The following IMPG2 variants were observed in gnomAD, a reference collection of about 807,000 sequenced individuals.
The protein encoded by IMPG2 is interphotoreceptor matrix proteoglycan 2, also known as IPM 200.
Under a neutral mutation model 129.2 loss-of-function variants are expected in IMPG2, and 91 were observed. The ratio of observed to expected loss-of-function variants is 0.70; its 90% confidence interval spans 0.59 to 0.84. The LOEUF (loss-of-function observed/expected upper bound fraction) is 0.84, where lower values mean the gene tolerates loss of function less well. IMPG2 is among the 40% of genes least tolerant of loss of function. The pLI is 0.00. For synonymous variants in IMPG2, 510 were observed against 517.7 expected (o/e 0.99, Z 0.20); for missense variants, 1,430 against 1,461.7 (o/e 0.98, Z 0.35).
chr3:101,256,163 A>AAGAAAGAAAG (rs1289733333), intron 10 of IMPG2, among the ~76,000 whole-genome samples: 4 of 144,578 alleles, frequency 2.8e-5, no homozygotes, highest in African/African-American at 1.0e-4. Context: ...GAAAGAAAGA[A>AAGAAAGAAAG]AGAAAGAAAG....
At chr3:101,263,903 A>G (rs1302982746) in intron 9 of IMPG2, among the ~76,000 whole-genome samples, 1 of 151,806 alleles carries the variant, frequency 6.6e-6, no homozygotes, top group Non-Finnish European at 1.5e-5. Context: ...CAGAAATGAA[A>G]AAGGAGACAT....
At chr3:101,233,103 G>T in intron 14 of IMPG2, 112 bp from the exon 15 acceptor site, 2 of 924,352 alleles carry the variant, frequency 2.2e-6, no homozygotes, top group Non-Finnish European at 3.5e-6. Flanking sequence ...CTCCTTTCCA[G>T]AACCATTAAA....
Position 101,320,353 on chromosome 3 carries a change from A to C in IMPG2, c.20T>G (p.Phe7Cys). 1 of 1,607,716 alleles carries C rather than the reference A, an allele frequency of 6.2e-7. No homozygotes were observed. Among genetic ancestry groups the C allele is most frequent in the East Asian group, 2.2e-5 (1 of 44,642 alleles). Residue 7 changes from phenylalanine (F) to cysteine (C), a missense_variant, in exon 1 of 19, where the codon TTT becomes TGT. By Grantham distance (205) the Phe-to-Cys change is radical. Coordinates refer to ENST00000193391, the MANE Select transcript of IMPG2 (RefSeq NM_016247.4). MIMFPLFGKISLGILIF... is the reference protein window; with the variant it reads MIMFPLCGKISLGILIF... ...CAAAATACCCAGAGAAATCTTCCCA[A>C]AAAGAGGAAACATAATCATTTGGGC...
rs1258654865 is a variant in IMPG2 at position 101,223,482 on chromosome 3, A to T, written c.*3487T>A. 2 of 152,236 alleles carry T rather than the reference A, an allele frequency of 1.3e-5. No individual in the cohort carries two copies. The highest frequency in any genetic ancestry group is 2.4e-5 in the African/African-American group (1 of 41,460). The allele number at this position is 152,236 out of a possible 1,614,324, so 9.4% of individuals were successfully genotyped here. A position where few individuals can be genotyped will look rare whatever the true frequency, so the allele number is the denominator to read the frequency against. On this transcript the variant is annotated 3_prime_UTR_variant, in exon 19 of 19. Coordinates refer to ENST00000193391, the MANE Select transcript of IMPG2 (RefSeq NM_016247.4). The stretch of plus-strand genomic sequence containing the variant: ...TGCAAAATGAAAATTCAATTCAGAG[A>T]CAGAAAGATGTCAAAGTACCCATTG...
chr3:101,280,201 T>C (rs1189823212), intron 4 of IMPG2, among the ~76,000 whole-genome samples: 1 of 152,216 alleles, frequency 6.6e-6, no homozygotes, highest in African/African-American at 2.4e-5. Context: ...GGAATTCAGG[T>C]GGGATCATGT....
chr3:101,267,854 C>T (rs1706738192), intron 8 of IMPG2, among the ~76,000 whole-genome samples: 1 of 90,450 alleles, frequency 1.1e-5, no homozygotes, highest in Non-Finnish European at 2.6e-5. Flanking sequence ...AAATTGGGAA[C>T]CTTCTTTTTT....
chr3:101,262,059 C>G (rs113006622), intron 9 of IMPG2, among the ~76,000 whole-genome samples: 33 of 152,120 alleles, frequency 2.2e-4, no homozygotes, highest in African/African-American at 7.2e-4. Flanking sequence ...TCCTCAGATG[C>G]CCTGATTGAC....
chr3:101,247,040 G>T (rs1264753334), intron 11 of IMPG2, among the ~76,000 whole-genome samples: 1 of 151,734 alleles, frequency 6.6e-6, no homozygotes, highest in Non-Finnish European at 1.5e-5. Flanking sequence ...AGACTACCAT[G>T]AGCTAAGATC....
intron 14 of IMPG2, among the ~76,000 whole-genome samples, chr3:101,241,432 C>G (rs1187752508): frequency 6.6e-6 from 1 of 152,112 alleles, no homozygotes; most frequent in African/African-American, 2.4e-5. Flanking sequence ...TTGACTAGAA[C>G]ATGTTGAGCA....
intron 3 of IMPG2, among the ~76,000 whole-genome samples, chr3:101,303,762 C>T (rs770677105): frequency 1.3e-5 from 2 of 152,160 alleles, no homozygotes; most frequent in African/African-American, 2.4e-5. Context: ...AGAGTTATTG[C>T]TATTCACTCT....
chr3:101,284,928 C>G (rs1008730633), intron 4 of IMPG2, among the ~76,000 whole-genome samples: 1 of 152,140 alleles, frequency 6.6e-6, no homozygotes, highest in African/African-American at 2.4e-5. Context: ...TAAACCACAA[C>G]CATCAAATTA....
chr3:101,248,516 T>C (rs956293257), intron 11 of IMPG2, among the ~76,000 whole-genome samples: 5 of 152,204 alleles, frequency 3.3e-5, no homozygotes, highest in Non-Finnish European at 7.3e-5. Flanking sequence ...GCCCCTTGTC[T>C]CTCTGTCAAA....
At chr3:101,253,007 T>C (rs745980308) in intron 11 of IMPG2, among the ~76,000 whole-genome samples, 1 of 152,194 alleles carries the variant, frequency 6.6e-6, no homozygotes, top group African/African-American at 2.4e-5. Flanking sequence ...GTTGTAGATG[T>C]TATCATTGTT....
intron 4 of IMPG2, 93 bp from the exon 5 acceptor site, chr3:101,276,806 T>A: frequency 2.2e-6 from 2 of 908,262 alleles, no homozygotes; most frequent in Non-Finnish European, 3.6e-6. Context: ...AGGAAAGCAC[T>A]AGATCACCAA....
intron 14 of IMPG2, among the ~76,000 whole-genome samples, chr3:101,240,213 A>T (rs1026811044): frequency 6.6e-6 from 1 of 151,708 alleles, no homozygotes; most frequent in Non-Finnish European, 1.5e-5. Flanking sequence ...AACCTCCTAG[A>T]CTCCAGCAAT....
chr3:101,256,185 G>GAAAT (rs1234265903), intron 10 of IMPG2, among the ~76,000 whole-genome samples: 1 of 145,548 alleles, frequency 6.9e-6, no homozygotes. Flanking sequence ...AAGAAAGAAA[G>GAAAT]AAAGAAAGAA....
rs1706214715 is a variant in IMPG2 at position 101,225,762 on chromosome 3, A to G, written c.*1207T>C. On this transcript the variant is annotated 3_prime_UTR_variant, in exon 19 of 19. Coordinates refer to ENST00000193391, the MANE Select transcript of IMPG2 (RefSeq NM_016247.4). ...TATGCAATTTAATATCATGATGATG[A>G]TGATTTGGCCTCCTCCTCTCCCCCT... The G allele has an allele frequency of 6.6e-6, 1 of 152,144 alleles. No individual in the cohort carries two copies. Among genetic ancestry groups the G allele is most frequent in the African/African-American group, 2.4e-5 (1 of 41,444 alleles). 9.4% of individuals were successfully genotyped at this position (152,144 alleles called of 1,614,324 possible). A position where few individuals can be genotyped will look rare whatever the true frequency, so the allele number is the denominator to read the frequency against.
intron 9 of IMPG2, 66 bp from the exon 10 acceptor site, chr3:101,257,839 C>T (rs1706628450): frequency 6.4e-7 from 1 of 1,563,500 alleles, no homozygotes; most frequent in African/African-American, 1.4e-5. Context: ...AGCATTGAAC[C>T]CATGAAGAAC....
intron 9 of IMPG2, among the ~76,000 whole-genome samples, chr3:101,259,961 A>C (rs1706652700): frequency 6.6e-6 from 1 of 152,112 alleles, no homozygotes. Context: ...GTTGGCACAT[A>C]TATTTCTCAT....
Sources: allele counts gnomAD v4.1 joint callset (sites outside exome capture counted in the v4.1 genomes callset), GRCh38; gene constraint gnomAD v4.1.1; transcripts MANE v1.5; gene names NCBI Gene and HGNC (gene_info 2026-07-23, HGNC 2026-07-21).